Variants in TOGARAM1 observed in about 807,000 individuals in gnomAD.
TOGARAM1 encodes the protein TOG array regulator of axonemal microtubules protein 1.
In TOGARAM1, 100 loss-of-function variants were observed where a neutral mutation model predicts 166.6. That is an observed-to-expected ratio of 0.60 (90% CI 0.51 to 0.71). TOGARAM1 has a LOEUF of 0.71. Among genes scored for constraint, TOGARAM1 ranks in the 30% least tolerant of loss-of-function variants. The pLI is 0.00. For synonymous variants in TOGARAM1, 758 were observed against 763.8 expected (o/e 0.99, Z 0.13); for missense variants, 2,029 against 2,102.7 (o/e 0.96, Z 0.69).
intron 14 of TOGARAM1, among the ~76,000 whole-genome samples, chr14:45,050,651 G>C (rs963700776): frequency 6.6e-6 from 1 of 151,634 alleles, no homozygotes; most frequent in African/African-American, 2.4e-5. Context: ...CCAAGACTCT[G>C]TCACCCAGGC....
chr14:44,974,760 G>A (rs540356561), intron 1 of TOGARAM1, among the ~76,000 whole-genome samples: 1 of 150,500 alleles, frequency 6.6e-6, no homozygotes, highest in Non-Finnish European at 1.5e-5. Context: ...ACCCCTTTCG[G>A]TGTGTGTGTC....
intron 1 of TOGARAM1, among the ~76,000 whole-genome samples, chr14:44,969,191 A>G (rs1885746035): frequency 9.0e-6 from 1 of 111,654 alleles, no homozygotes; most frequent in Admixed American, 1.1e-4. Flanking sequence ...TTTTTGTGAG[A>G]CAGCCCAGGC....
At chr14:44,973,218 G>A (rs1318136863) in intron 1 of TOGARAM1, among the ~76,000 whole-genome samples, 1 of 151,502 alleles carries the variant, frequency 6.6e-6, no homozygotes, top group Non-Finnish European at 1.5e-5. Context: ...TTCTTTCTTA[G>A]CATATCAGTT....
chr14:44,989,591 A>C (rs1887023875), intron 1 of TOGARAM1, among the ~76,000 whole-genome samples: 1 of 152,068 alleles, frequency 6.6e-6, no homozygotes, highest in Non-Finnish European at 1.5e-5. Flanking sequence ...ATACTACTAT[A>C]AAGAATCAGC....
At chr14:45,002,008 GT>G (rs2138830011) in intron 3 of TOGARAM1, among the ~76,000 whole-genome samples, 1 of 152,156 alleles carries the variant, frequency 6.6e-6, no homozygotes, top group Admixed American at 6.5e-5. Flanking sequence ...TTTATTGTAT[GT>G]CCTTTACTAA....
intron 11 of TOGARAM1, among the ~76,000 whole-genome samples, chr14:45,040,836 C>T (rs1406424083): frequency 1.3e-5 from 2 of 151,684 alleles, no homozygotes; most frequent in Non-Finnish European, 2.9e-5. Flanking sequence ...GCCAGGAGTT[C>T]AAGACCAGCA....
intron 11 of TOGARAM1, chr14:45,042,085 T>C (rs193043722): frequency 4.6e-5 from 7 of 152,400 alleles, no homozygotes; most frequent in African/African-American, 1.7e-4. Flanking sequence ...TCAATTCTTA[T>C]ATTTTCAGAA....
chr14:45,044,439 G>A (rs1881879369), intron 12 of TOGARAM1, among the ~76,000 whole-genome samples, 196 bp from the exon 13 acceptor site: 2 of 151,934 alleles, frequency 1.3e-5, no homozygotes, highest in Admixed American at 6.6e-5. Context: ...TACTCAGGTG[G>A]CTGAGGCAAG....
rs899390163 is a variant in TOGARAM1, at chr14:45,050,914, C to G, written c.4314-1522C>G. Among the ~76,000 whole-genome samples, 7 of 152,282 alleles carry G rather than the reference C, an allele frequency of 4.6e-5. 1 individual carries two copies. The highest frequency in any genetic ancestry group is 1.7e-4 in the African/African-American group (7 of 41,560). ...ACAGGTGTGAGCCACCACGCCCAGC[C>G]TCTTCTCTGGTTCTTTTTGTGCCAT... On this transcript the variant is annotated intron_variant, in intron 14 of 19. Transcript: ENST00000361462.
At chr14:45,041,606 A>G (rs1206296780) in intron 11 of TOGARAM1, among the ~76,000 whole-genome samples, 2 of 152,250 alleles carry the variant, frequency 1.3e-5, no homozygotes, top group Non-Finnish European at 2.9e-5. Context: ...GATTCTTAAT[A>G]TAGCACAAGA....
chr14:45,034,485 C>A (rs562393992), intron 11 of TOGARAM1, among the ~76,000 whole-genome samples: 1 of 152,222 alleles, frequency 6.6e-6, no homozygotes, highest in African/African-American at 2.4e-5. Flanking sequence ...TCGGGGCATG[C>A]ATGTAAATAC....
intron 7 of TOGARAM1, among the ~76,000 whole-genome samples, chr14:45,014,043 CTTT>C (rs33935090): frequency 7.0e-5 from 9 of 127,820 alleles, no homozygotes; most frequent in Admixed American, 1.6e-4. Context: ...GTTGCGTAAT[CTTT>C]TTTTTTTTTT....
intron 7 of TOGARAM1, among the ~76,000 whole-genome samples, chr14:45,022,243 C>T (rs2138891774): frequency 6.6e-6 from 1 of 151,768 alleles, no homozygotes. Flanking sequence ...GCCTTTATTA[C>T]CTCTTGGGCC....
At chr14:45,001,743 A>G (rs1428450305) in intron 3 of TOGARAM1, among the ~76,000 whole-genome samples, 3 of 152,216 alleles carry the variant, frequency 2.0e-5, no homozygotes, top group Non-Finnish European at 4.4e-5. Context: ...TTAGCAGATG[A>G]CAATTATTTT....
intron 7 of TOGARAM1, among the ~76,000 whole-genome samples, chr14:45,017,790 CAGG>C (rs1880239621): frequency 6.6e-6 from 1 of 152,178 alleles, no homozygotes; most frequent in South Asian, 2.1e-4. Context: ...GAGGCTGAGG[CAGG>C]AGAACTGCTT....
At chr14:44,979,428 G>A in intron 1 of TOGARAM1, among the ~76,000 whole-genome samples, 1 of 152,048 alleles carries the variant, frequency 6.6e-6, no homozygotes, top group East Asian at 1.9e-4. Context: ...TGTTTTATAA[G>A]GGCACTAATC....
At chr14:45,060,145 C>T (rs1158442573) in intron 16 of TOGARAM1, among the ~76,000 whole-genome samples, 1 of 151,022 alleles carries the variant, frequency 6.6e-6, no homozygotes, top group East Asian at 1.9e-4. Context: ...GTCTCGATCT[C>T]CTGACCTTGT....
In TOGARAM1 at chr14:45,044,875, T is replaced by A; in HGVS notation, c.4154+5T>A. The A allele has an allele frequency of 6.3e-7, 1 of 1,595,536 alleles. No homozygotes were observed. On this transcript the variant is annotated splice_donor_5th_base_variant and intron_variant, in intron 13 of 19. Transcript: ENST00000361462. ...TCTTATCAATGGTGGACAAAGGTAA[T>A]GTTCAAAATAACCTTGAAATGTCTT...
chr14:45,039,257 A>G (rs1881597566), intron 11 of TOGARAM1, among the ~76,000 whole-genome samples: 1 of 152,192 alleles, frequency 6.6e-6, no homozygotes, highest in Non-Finnish European at 1.5e-5. Context: ...GGCTGAGTCC[A>G]GGATTTTTAT....
Sources: allele counts gnomAD v4.1 joint callset (sites outside exome capture counted in the v4.1 genomes callset), GRCh38; gene constraint gnomAD v4.1.1; transcripts MANE v1.5; gene names NCBI Gene and HGNC (gene_info 2026-07-23, HGNC 2026-07-21).